Variants in TXLNB observed in about 807,000 individuals in gnomAD.
The protein encoded by TXLNB is beta-taxilin.
TXLNB carries 37 observed loss-of-function variants against 57.4 expected under a neutral mutation model. That is an observed-to-expected ratio of 0.64 (90% CI 0.50 to 0.85). TXLNB has a LOEUF of 0.85. TXLNB is among the 40% of genes least tolerant of loss of function. TXLNB has a pLI of 0.00. For synonymous variants in TXLNB, 302 were observed against 309.6 expected (o/e 0.98, Z 0.26); for missense variants, 848 against 825.6 (o/e 1.03, Z -0.33).
chr6:139,279,046 A>G (rs1776977990), intron 2 of TXLNB, among the ~76,000 whole-genome samples: 1 of 152,246 alleles, frequency 6.6e-6, no homozygotes, highest in African/African-American at 2.4e-5. Context: ...TGAATCAAAT[A>G]AACACTGTCA....
At chr6:139,269,422 C>A (rs1182919704) in intron 4 of TXLNB, among the ~76,000 whole-genome samples, 1 of 152,184 alleles carries the variant, frequency 6.6e-6, no homozygotes, top group African/African-American at 2.4e-5. Context: ...CATCCTCAGG[C>A]CCCCATTCGG....
chr6:139,160,500 A>G, the TXLNB span, among the ~76,000 whole-genome samples: 26 of 152,296 alleles, frequency 1.7e-4, no homozygotes, highest in African/African-American at 5.3e-4. Flanking sequence ...TGCAGCCTCA[A>G]TTTCCTCGAC....
the TXLNB span, among the ~76,000 whole-genome samples, chr6:139,189,763 A>G: frequency 6.6e-6 from 1 of 152,286 alleles, no homozygotes; most frequent in Non-Finnish European, 1.5e-5. Flanking sequence ...TATAGGATCT[A>G]TGTCAGCATT....
chr6:139,193,241 C>CTTT, the TXLNB span, among the ~76,000 whole-genome samples: 7 of 101,240 alleles, frequency 6.9e-5, no homozygotes, highest in African/African-American at 2.3e-4. Flanking sequence ...CTTTGACCCT[C>CTTT]TTTTTTTTTT....
At chr6:139,193,241 CTTTTTTTTT>C in the TXLNB span, among the ~76,000 whole-genome samples, 1 of 101,212 alleles carries the variant, frequency 9.9e-6, no homozygotes, top group African/African-American at 3.8e-5. Context: ...CTTTGACCCT[CTTTTTTTTT>C]TTTTTTTTTT....
chr6:139,179,125 G>T, the TXLNB span: 2 of 152,152 alleles, frequency 1.3e-5, no homozygotes. Flanking sequence ...ATAGCTTTCT[G>T]CAAACTTGTC....
chr6:139,174,446 C>G, the TXLNB span: 1 of 1,614,008 alleles, frequency 6.2e-7, no homozygotes, highest in Non-Finnish European at 8.5e-7. Flanking sequence ...ACAAGATCAT[C>G]TGCATCAAGT....
chr6:139,206,210 T>TA, the TXLNB span, among the ~76,000 whole-genome samples: 1 of 152,206 alleles, frequency 6.6e-6, no homozygotes, highest in East Asian at 1.9e-4. Context: ...GAAAATACAG[T>TA]AAAATCAAGC....
At chr6:139,266,133 T>C (rs1776609446) in intron 4 of TXLNB, among the ~76,000 whole-genome samples, 1 of 152,202 alleles carries the variant, frequency 6.6e-6, no homozygotes, top group Non-Finnish European at 1.5e-5. Context: ...CTATTCATCA[T>C]ATAGTAGAAT....
At chr6:139,315,414 C>T in the TXLNB span, among the ~76,000 whole-genome samples, 3 of 152,178 alleles carry the variant, frequency 2.0e-5, no homozygotes, top group Non-Finnish European at 4.4e-5. Context: ...CAAGGTGAAC[C>T]CATTGGGCAG....
At chr6:139,209,216 CA>C in the TXLNB span, among the ~76,000 whole-genome samples, 2 of 151,828 alleles carry the variant, frequency 1.3e-5, no homozygotes, top group Non-Finnish European at 2.9e-5. Flanking sequence ...AACAAACAAA[CA>C]AAAACTTAGG....
chr6:139,192,976 A>AAAC, the TXLNB span, among the ~76,000 whole-genome samples: 7 of 145,408 alleles, frequency 4.8e-5, no homozygotes, highest in Admixed American at 3.7e-4. Flanking sequence ...AACAAAAAAC[A>AAAC]AAAAAAAAAA....
At chr6:139,185,528 C>T in the TXLNB span, among the ~76,000 whole-genome samples, 11 of 152,004 alleles carry the variant, frequency 7.2e-5, no homozygotes, top group East Asian at 1.2e-3. Flanking sequence ...GGTGAAACCC[C>T]GTCTCTACTA....
chr6:139,300,724 C>T, the TXLNB span, among the ~76,000 whole-genome samples: 13 of 152,106 alleles, frequency 8.5e-5, no homozygotes, highest in African/African-American at 1.4e-4. Context: ...GGTGAAACTG[C>T]GTCTCTACTA....
chr6:139,160,900 A>T, the TXLNB span, among the ~76,000 whole-genome samples: 1 of 152,220 alleles, frequency 6.6e-6, no homozygotes, highest in Non-Finnish European at 1.5e-5. Context: ...TGAGCTGAAT[A>T]GGGCAAGCAT....
the TXLNB span, among the ~76,000 whole-genome samples, chr6:139,298,336 A>C: frequency 6.6e-6 from 1 of 152,226 alleles, no homozygotes; most frequent in Non-Finnish European, 1.5e-5. Context: ...TAATGCAGAC[A>C]GATTCTAGGA....
At chr6:139,214,229 A>G in the TXLNB span, among the ~76,000 whole-genome samples, 4 of 152,224 alleles carry the variant, frequency 2.6e-5, no homozygotes, top group African/African-American at 9.6e-5. Flanking sequence ...AAAATCCTCA[A>G]TAAAACACTG....
chr6:139,175,695 C>T, the TXLNB span, among the ~76,000 whole-genome samples: 1 of 152,202 alleles, frequency 6.6e-6, no homozygotes, highest in Non-Finnish European at 1.5e-5. Flanking sequence ...CCCAGGTCTA[C>T]ATACATTGTG....
the TXLNB span, chr6:139,167,150 T>C: frequency 6.2e-7 from 1 of 1,614,144 alleles, no homozygotes; most frequent in Non-Finnish European, 8.5e-7. Context: ...GGGGGAAGAC[T>C]TGCGGAAGTT....
Sources: gnomAD v4.1 joint callset for allele counts (sites outside exome capture counted in the v4.1 genomes callset) on GRCh38, gnomAD v4.1.1 for gene constraint, MANE v1.5 for transcripts, NCBI Gene and HGNC (gene_info 2026-07-23, HGNC 2026-07-21) for gene names.